Variants in TRAPPC9 observed in about 807,000 individuals in gnomAD.
TRAPPC9 encodes the protein trafficking protein particle complex subunit 9, also known as IKK2 binding protein.
A neutral mutation model predicts 124.0 loss-of-function variants in TRAPPC9; 83 were observed. The ratio of observed to expected loss-of-function variants is 0.67; its 90% CI spans 0.56 to 0.80. The LOEUF is 0.80. TRAPPC9 is among the 30% of genes least tolerant of loss of function. TRAPPC9 has a pLI of 0.00. For missense variants in TRAPPC9, 1,302 were observed against 1,508.3 expected (o/e 0.86, Z 2.27); for synonymous variants, 638 against 617.5 (o/e 1.03, Z -0.49).
chr8:140,400,130 A>G (rs1397791085), intron 6 of TRAPPC9, among the ~76,000 whole-genome samples: 3 of 152,200 alleles, frequency 2.0e-5, no homozygotes, highest in African/African-American at 7.2e-5. Flanking sequence ...ACAGAACTGT[A>G]AGTCCAATTA....
chr8:140,206,367 T>C (rs1370258603), intron 17 of TRAPPC9, among the ~76,000 whole-genome samples: 3 of 152,220 alleles, frequency 2.0e-5, no homozygotes, highest in Non-Finnish European at 4.4e-5. Flanking sequence ...CTTGCTTTTC[T>C]TTCTTGTCTT....
chr8:140,233,209 C>CT lies in TRAPPC9; in HGVS notation c.2432-11627dup, dbSNP rs10710093. 2.6e-3 allele frequency among the ~76,000 whole-genome samples: 376 copies of CT among 146,714 alleles called. 3 individuals carry two copies. The highest frequency in any genetic ancestry group is 2.3e-3 in the Non-Finnish European group (155 of 66,220). On this transcript the variant is annotated intron_variant, in intron 16 of 22. Transcript: ENST00000438773. ...TCCTATGGCCTAAGTTTCTTAAGGA[C>CT]TTTTTTTTTTTTTGAGACGGAGTCT... is the stretch of plus-strand genomic sequence containing the variant.
In TRAPPC9 at chr8:139,899,075, G is replaced by A. The variant is rs184505974; in HGVS notation, c.2964+11072C>T. Among the ~76,000 whole-genome samples, 752 of 123,744 alleles carry A rather than the reference G, an allele frequency of 6.1e-3. 27 individuals carry two copies. Among genetic ancestry groups the A allele is most frequent in the Admixed American group, 0.06 (592 of 9,876 alleles). 81.2% of individuals were successfully genotyped at this position (123,744 alleles called of 152,430 possible). A position where few individuals can be genotyped will look rare whatever the true frequency, so the allele number is the denominator to read the frequency against. On this transcript the variant is annotated intron_variant, in intron 20 of 22. Coordinates refer to ENST00000438773, the MANE Select transcript of TRAPPC9 (RefSeq NM_001160372.4). Reference sequence around the variant, plus strand: ...GCAGAGGCTGCAGTGAGCCGAGATCGCACCATTGCACTCCAGCCTGGGAAA... The same window carrying A: ...GCAGAGGCTGCAGTGAGCCGAGATCACACCATTGCACTCCAGCCTGGGAAA...
At chr8:139,748,338 G>C (rs1431221112) in intron 21 of TRAPPC9, among the ~76,000 whole-genome samples, 7 of 112,848 alleles carry the variant, frequency 6.2e-5, no homozygotes, top group Non-Finnish European at 1.0e-4. Flanking sequence ...GATCAGAGAA[G>C]ATGCAGGGGG....
chr8:140,122,986 A>T (rs1212592353), intron 17 of TRAPPC9, among the ~76,000 whole-genome samples: 1 of 152,202 alleles, frequency 6.6e-6, no homozygotes, highest in Non-Finnish European at 1.5e-5. Flanking sequence ...TGGGTCCTAT[A>T]CATTTTTATT....
At chr8:139,927,575 A>G (rs1206128801) in intron 19 of TRAPPC9, among the ~76,000 whole-genome samples, 1 of 152,062 alleles carries the variant, frequency 6.6e-6, no homozygotes, top group African/African-American at 2.4e-5. Flanking sequence ...TTATCCACAG[A>G]CCTATCATAT....
intron 18 of TRAPPC9, among the ~76,000 whole-genome samples, chr8:139,996,251 C>T (rs1027818557): frequency 7.1e-6 from 1 of 141,382 alleles, no homozygotes; most frequent in Admixed American, 7.2e-5. Flanking sequence ...GACAAGTAGA[C>T]ATAAAATCAG....
chr8:140,124,043 A>C (rs186170784), intron 17 of TRAPPC9, among the ~76,000 whole-genome samples: 48 of 152,362 alleles, frequency 3.2e-4, no homozygotes, highest in Non-Finnish European at 5.0e-4. Flanking sequence ...TGCTGGAGGC[A>C]AAAGAAAGAT....
chr8:139,735,308 G>A (rs765387099), intron 21 of TRAPPC9, among the ~76,000 whole-genome samples: 8 of 152,302 alleles, frequency 5.3e-5, no homozygotes, highest in South Asian at 4.2e-4. Context: ...GTCACAGCAC[G>A]TCCCAGTACC....
chr8:140,351,223 C>G (rs2067564038), intron 9 of TRAPPC9, among the ~76,000 whole-genome samples: 1 of 118,796 alleles, frequency 8.4e-6, no homozygotes, highest in Non-Finnish European at 1.8e-5. Flanking sequence ...TCTCCCCGCA[C>G]CCCTCCAGCC....
At chr8:140,424,619 G>A (rs1432129807) in intron 5 of TRAPPC9, among the ~76,000 whole-genome samples, 5 of 150,204 alleles carry the variant, frequency 3.3e-5, no homozygotes, top group South Asian at 2.1e-4. Context: ...CAGCCTTGGC[G>A]GCAGAGTGAG....
intron 19 of TRAPPC9, among the ~76,000 whole-genome samples, chr8:139,968,854 T>C (rs1265150803): frequency 2.0e-5 from 3 of 152,046 alleles, no homozygotes; most frequent in African/African-American, 7.2e-5. Context: ...TTACACCACA[T>C]GCAAATGTGG....
intron 17 of TRAPPC9, among the ~76,000 whole-genome samples, chr8:140,220,740 G>A (rs2063320801): frequency 6.6e-6 from 1 of 152,192 alleles, no homozygotes; most frequent in South Asian, 2.1e-4. Flanking sequence ...TTCCTAACCA[G>A]TCCCTGCCCT....
intron 19 of TRAPPC9, among the ~76,000 whole-genome samples, chr8:139,972,548 A>AG (rs1401838427): frequency 6.6e-6 from 1 of 152,196 alleles, no homozygotes; most frequent in Non-Finnish European, 1.5e-5. Flanking sequence ...AAAAGGGCAC[A>AG]GGGCCTCAGA....
chr8:139,933,866 T>G (rs1043465842), intron 19 of TRAPPC9: 1 of 152,200 alleles, frequency 6.6e-6, no homozygotes, highest in Non-Finnish European at 1.5e-5. Context: ...CCATCAAATT[T>G]CTTTATCTAT....
At chr8:139,968,901 GA>G (rs902715790) in intron 19 of TRAPPC9, among the ~76,000 whole-genome samples, 2 of 152,182 alleles carry the variant, frequency 1.3e-5, no homozygotes, top group African/African-American at 4.8e-5. Context: ...CTGCAGCCCA[GA>G]AGCTTATGGC....
intron 17 of TRAPPC9, among the ~76,000 whole-genome samples, chr8:140,116,890 TG>T (rs2060898907): frequency 1.3e-5 from 2 of 150,648 alleles, no homozygotes; most frequent in African/African-American, 4.9e-5. Flanking sequence ...CGGAGTTCAG[TG>T]AGTAGGCGGA....
At chr8:140,226,124 A>T (rs1237638447) in intron 16 of TRAPPC9, among the ~76,000 whole-genome samples, 1 of 152,134 alleles carries the variant, frequency 6.6e-6, no homozygotes, top group Non-Finnish European at 1.5e-5. Flanking sequence ...TGGTGGGATC[A>T]AGGTTGGCCT....
At chr8:139,888,375 T>C (rs1830142184) in intron 20 of TRAPPC9, among the ~76,000 whole-genome samples, 1 of 152,216 alleles carries the variant, frequency 6.6e-6, no homozygotes, top group Non-Finnish European at 1.5e-5. Context: ...TTTCTTCATC[T>C]GTAAGATGAG....
Sources: gnomAD v4.1 joint callset for allele counts (sites outside exome capture counted in the v4.1 genomes callset) on GRCh38, gnomAD v4.1.1 for gene constraint, MANE v1.5 for transcripts, NCBI Gene and HGNC (gene_info 2026-07-23, HGNC 2026-07-21) for gene names.